Variants in SLMAP observed in about 807,000 individuals in gnomAD.
SLMAP encodes the protein sarcolemmal membrane-associated protein.
Under a neutral mutation model 128.8 loss-of-function variants are expected in SLMAP, and 44 were observed. The observed-to-expected ratio is 0.34, with a 90% CI of 0.27 to 0.44. SLMAP has a LOEUF of 0.44. Ranked by LOEUF, SLMAP falls within the 20% of genes least tolerant of loss-of-function variation. The probability of loss-of-function intolerance (pLI) is 1.00; values close to 1 mark genes in which losing one functional copy is unlikely to be tolerated. For missense variants in SLMAP, 787 were observed against 985.3 expected, an observed-to-expected ratio of 0.80 and a Z score of 2.69; for synonymous variants, 327 against 348.8, an observed-to-expected ratio of 0.94 and a Z score of 0.70.
intron 14 of SLMAP, 155 bp from the exon 15 acceptor site, chr3:57,889,886 T>C: frequency 1.9e-6 from 1 of 538,602 alleles, no homozygotes; most frequent in Non-Finnish European, 3.4e-6. Flanking sequence ...TCCAGTTCTC[T>C]TAGTTCCCCT....
In SLMAP at chr3:57,912,635, A is replaced by G; in HGVS notation, c.1954A>G (p.Asn652Asp). The change falls in exon 20 of 25, where the codon AAC (asparagine) becomes GAC (aspartate). Residue 652 changes from asparagine to aspartate, a missense_variant. By Grantham distance (23) the Asn-to-Asp change is conservative (BLOSUM62 1). Around this residue, in one of 2 missense-constraint regions of SLMAP, gnomAD observed 715 missense variants for 843.6 expected, o/e 0.85. Transcript: ENST00000671191. ...TGAGAAAGAAATCACAAGTCTGCAA[A>G]ACAGTTTTCAGCTTAGATGTCAACA... ...EYEKEITSLQNSFQLRCQQCE... is the reference protein window; with the variant it reads ...EYEKEITSLQDSFQLRCQQCE... 6.2e-7 allele frequency: 1 copy of G among 1,614,136 alleles called. No homozygotes were observed. Among genetic ancestry groups the G allele is most frequent in the Non-Finnish European group, 8.5e-7 (1 of 1,180,006 alleles).
At chr3:57,920,667 G>T (rs1406987359) in intron 22 of SLMAP, among the ~76,000 whole-genome samples, 1 of 152,054 alleles carries the variant, frequency 6.6e-6, no homozygotes, top group East Asian at 1.9e-4. Flanking sequence ...GTTACCTATG[G>T]TATATCTATT....
chr3:57,926,958 A>G (rs1210582322), intron 24 of SLMAP, among the ~76,000 whole-genome samples: 1 of 152,228 alleles, frequency 6.6e-6, no homozygotes, highest in Non-Finnish European at 1.5e-5. Flanking sequence ...TACATCAGTT[A>G]TATTGGAATA....
In SLMAP at chr3:57,835,159, G is replaced by A. The variant is rs2093573104; in HGVS notation, c.346+3629G>A. On this transcript the variant is annotated intron_variant, in intron 3 of 24. Coordinates refer to ENST00000671191, the MANE Select transcript of SLMAP (RefSeq NM_001377540.1). ...AAAAAAAAAAAAAAAATGCTATTAGGCCAGACACAGTGGCTCCCACCTGTA... is the reference window on the plus strand; with the variant it reads ...AAAAAAAAAAAAAAAATGCTATTAGACCAGACACAGTGGCTCCCACCTGTA... 3.5e-5 allele frequency among the ~76,000 whole-genome samples: 5 copies of A among 142,960 alleles called. No individual in the cohort carries two copies. The South Asian group carries it at 1.1e-3, about 32-fold the overall frequency. 93.8% of individuals were successfully genotyped at this position (142,960 alleles called of 152,430 possible).
intron 3 of SLMAP, among the ~76,000 whole-genome samples, chr3:57,833,017 C>T (rs1217403214): frequency 1.3e-5 from 2 of 152,100 alleles, no homozygotes; most frequent in African/African-American, 2.4e-5. Flanking sequence ...AACAGTAAAC[C>T]GAGCTCATTA....
chr3:57,786,416 G>A (rs1306697902), intron 2 of SLMAP, among the ~76,000 whole-genome samples: 3 of 152,160 alleles, frequency 2.0e-5, no homozygotes, highest in African/African-American at 7.2e-5. Context: ...AGCAAGTCAC[G>A]TGGCCATGCA....
chr3:57,867,980 G>T (rs1455128539), intron 13 of SLMAP, among the ~76,000 whole-genome samples: 1 of 152,258 alleles, frequency 6.6e-6, no homozygotes, highest in East Asian at 1.9e-4. Context: ...TAAACATAAG[G>T]CTGGGTGTGG....
At chr3:57,818,300 C>T (rs1203916882) in intron 2 of SLMAP, among the ~76,000 whole-genome samples, 1 of 152,154 alleles carries the variant, frequency 6.6e-6, no homozygotes, top group Admixed American at 6.5e-5. Context: ...GGATTACAGG[C>T]ATGCGCCACC....
intron 6 of SLMAP, among the ~76,000 whole-genome samples, chr3:57,852,913 C>G (rs1032357907): frequency 6.6e-6 from 1 of 152,132 alleles, no homozygotes; most frequent in Non-Finnish European, 1.5e-5. Context: ...TGTATATGTT[C>G]TTATTGAACT....
chr3:57,926,205 C>G (rs1245201825), intron 24 of SLMAP: 3 of 409,622 alleles, frequency 7.3e-6, no homozygotes, highest in Non-Finnish European at 1.3e-5. Context: ...GAGTCTTTAT[C>G]TCTAGCAAAC....
intron 17 of SLMAP, chr3:57,900,208 G>A (rs569305522): frequency 2.0e-5 from 3 of 152,016 alleles, no homozygotes; most frequent in East Asian, 3.9e-4. Context: ...TTAAAAAATA[G>A]CCAATCTTTT....
intron 21 of SLMAP, 24 bp from the exon 22 acceptor site, chr3:57,916,881 CT>C: frequency 6.3e-7 from 1 of 1,595,008 alleles, no homozygotes; most frequent in Non-Finnish European, 8.6e-7. Context: ...CTGTGAATAA[CT>C]ATCTGTCAAT....
At chr3:57,817,071 G>T (rs1161643908) in intron 2 of SLMAP, among the ~76,000 whole-genome samples, 2 of 152,234 alleles carry the variant, frequency 1.3e-5, no homozygotes, top group African/African-American at 4.8e-5. Flanking sequence ...GAAGTCAGCA[G>T]AGGGTCAACA....
At chr3:57,779,818 C>A (rs1005058877) in intron 2 of SLMAP, among the ~76,000 whole-genome samples, 1 of 152,000 alleles carries the variant, frequency 6.6e-6, no homozygotes, top group African/African-American at 2.4e-5. Context: ...AAGTGGTAGA[C>A]CTTATCATCA....
intron 14 of SLMAP, among the ~76,000 whole-genome samples, chr3:57,884,857 G>T (rs1426911125): frequency 6.6e-6 from 1 of 152,060 alleles, no homozygotes; most frequent in Non-Finnish European, 1.5e-5. Context: ...AACTGCCATT[G>T]TGTGGCCCAG....
rs867559178 is a variant in SLMAP at position 57,777,083 on chromosome 3, C to T, written c.198+19234C>T. On this transcript the variant is annotated intron_variant, in intron 2 of 24. Transcript: ENST00000671191. ...TCCAAAGAAATTATGGAAGTACTAG[C>T]GTAAGAAATTTGACTTTTTTTGGGG... is the stretch of plus-strand genomic sequence containing the variant. Among the ~76,000 whole-genome samples, 10 of 120,420 alleles carry T rather than the reference C, an allele frequency of 8.3e-5. No individual in the cohort carries two copies. In the Admixed American group the frequency reaches 8.7e-4, roughly 10 times the overall value. 79.0% of individuals were successfully genotyped at this position (120,420 alleles called of 152,430 possible).
rs7614214 is a variant in SLMAP at position 57,929,627 on chromosome 3, A to C, written c.*2338A>C. Among the ~76,000 whole-genome samples, 1,707 of 152,376 alleles carry C rather than the reference A, an allele frequency of 0.011. 36 individuals carry two copies. Among genetic ancestry groups the C allele is most frequent in the African/African-American group, 0.038 (1,592 of 41,588 alleles). ...GAAATATTAAGCATTGCAGCTAAAAATTGAACAACCCTGTAATGATACATT... is the reference window on the plus strand; with the variant it reads ...GAAATATTAAGCATTGCAGCTAAAACTTGAACAACCCTGTAATGATACATT... On this transcript the variant is annotated 3_prime_UTR_variant, in exon 25 of 25. Coordinates refer to ENST00000671191, the MANE Select transcript of SLMAP (RefSeq NM_001377540.1).
intron 19 of SLMAP, among the ~76,000 whole-genome samples, chr3:57,909,503 GA>G (rs558353210): frequency 1.2e-3 from 152 of 126,130 alleles, no homozygotes; most frequent in Middle Eastern, 4.0e-3. Context: ...CTCCATCTCA[GA>G]AAAAAAAAAA....
intron 14 of SLMAP, among the ~76,000 whole-genome samples, chr3:57,879,490 A>G (rs970703265): frequency 2.0e-5 from 3 of 152,202 alleles, no homozygotes; most frequent in African/African-American, 7.2e-5. Flanking sequence ...TCAGTAATTA[A>G]ATGGACAAAT....
Sources: allele counts gnomAD v4.1 joint callset (sites outside exome capture counted in the v4.1 genomes callset), GRCh38; gene constraint gnomAD v4.1.1; regional missense constraint gnomAD v4.1.1; transcripts MANE v1.5; gene names NCBI Gene and HGNC (gene_info 2026-07-23, HGNC 2026-07-21).